CHD7: variants seen among roughly 807,000 people sequenced by gnomAD.
The protein encoded by CHD7 is ATP-dependent chromatin remodeler CHD7.
Under a neutral mutation model 307.3 loss-of-function variants are expected in CHD7, and 24 were observed. That is an observed-to-expected ratio of 0.08 (90% CI 0.06 to 0.11). CHD7 has a LOEUF of 0.11. CHD7 is among the 10% of genes least tolerant of loss of function. The pLI is 1.00. For synonymous variants in CHD7, 1,363 were observed against 1,349.9 expected (o/e 1.01, Z -0.21); for missense variants, 3,106 against 3,727.1 (o/e 0.83, Z 4.34).
intron 1 of CHD7, among the ~76,000 whole-genome samples, chr8:60,696,696 ACT>A (rs990126708): frequency 1.3e-5 from 2 of 151,922 alleles, no homozygotes; most frequent in Non-Finnish European, 2.9e-5. Context: ...AACTCAAGAA[ACT>A]CTCTGATACT....
chr8:60,713,693 T>C (rs1032043009), intron 1 of CHD7, among the ~76,000 whole-genome samples: 4 of 152,100 alleles, frequency 2.6e-5, no homozygotes, highest in Non-Finnish European at 4.4e-5. Flanking sequence ...TGGTGGGCGT[T>C]CACGAGGAGC....
rs773655768 is a variant in CHD7 at position 60,845,332 on chromosome 8, C to A, written c.5133C>A (p.Asp1711Glu). 6.2e-6 allele frequency: 10 copies of A among 1,614,028 alleles called. No homozygotes were observed. Among genetic ancestry groups the A allele is most frequent in the Non-Finnish European group, 8.5e-6 (10 of 1,179,898 alleles). ...QSTQPVVQDA[D>E]WLASCNPDAL... Reference sequence around the variant, plus strand: ...CACAGCCGGTGGTGCAGGATGCCGACTGGCTGGCCAGCTGCAACCCAGATG... The same window carrying A: ...CACAGCCGGTGGTGCAGGATGCCGAATGGCTGGCCAGCTGCAACCCAGATG... Residue 1711 changes from aspartate to glutamate, a missense_variant, in exon 23 of 38, where the codon GAC becomes GAA. This residue lies in a region of CHD7 where 1,030 missense variants were observed against 1,165.4 expected (regional missense o/e 0.88). Coordinates refer to ENST00000423902, the MANE Select transcript of CHD7 (RefSeq NM_017780.4).
chr8:60,774,775 A>G (rs1263605171), intron 2 of CHD7, among the ~76,000 whole-genome samples: 1 of 152,186 alleles, frequency 6.6e-6, no homozygotes, highest in Non-Finnish European at 1.5e-5. Context: ...TTTCTCAGAC[A>G]TTTAGAAAAG....
At chr8:60,829,665 T>G (rs1804413292) in intron 14 of CHD7, among the ~76,000 whole-genome samples, 1 of 152,182 alleles carries the variant, frequency 6.6e-6, no homozygotes, top group East Asian at 1.9e-4. Flanking sequence ...TATGTGGGCA[T>G]TAGTTATAAT....
intron 3 of CHD7, among the ~76,000 whole-genome samples, chr8:60,793,271 T>A (rs1407891282): frequency 6.6e-6 from 1 of 152,114 alleles, no homozygotes; most frequent in Admixed American, 6.5e-5. Context: ...TTTAAAAATA[T>A]TATGCTTTCT....
chr8:60,831,288 G>A (rs1467799100), intron 15 of CHD7, among the ~76,000 whole-genome samples: 10 of 152,150 alleles, frequency 6.6e-5, no homozygotes, highest in Admixed American at 6.5e-4. Flanking sequence ...GATTGGGGGA[G>A]TCTTTAGAAG....
intron 1 of CHD7, among the ~76,000 whole-genome samples, chr8:60,690,648 C>T (rs1040493613): frequency 4.6e-5 from 7 of 152,184 alleles, no homozygotes; most frequent in African/African-American, 7.2e-5. Context: ...GGACACAATT[C>T]AAGGACATAA....
chr8:60,724,665 C>T (rs896139059), intron 1 of CHD7, among the ~76,000 whole-genome samples: 1 of 152,146 alleles, frequency 6.6e-6, no homozygotes, highest in Non-Finnish European at 1.5e-5. Flanking sequence ...TTCTGCATGC[C>T]TTCCCAGCCA....
In CHD7 at chr8:60,856,588, T is replaced by C. The variant is rs375586969; in HGVS notation, c.7308T>C (p.Asn2436=). 7 of 1,613,778 alleles carry C rather than the reference T, an allele frequency of 4.3e-6. No homozygotes were observed. In the African/African-American group the frequency reaches 8.0e-5, roughly 18 times the overall value. ...QLRESQVVSE[N]GQEKVVDLSK... is the part of the protein sequence containing the mutation. ...GAGAGTCTCAGGTGGTCTCAGAAAA[T>C]GGACAAGAAAAAGTTGTAGATTTAT... Residue 2436 remains asparagine (N), a synonymous_variant, in exon 34 of 38, where the codon AAT becomes AAC. Transcript: ENST00000423902.
intron 1 of CHD7, among the ~76,000 whole-genome samples, chr8:60,730,503 T>A (rs1808391000): frequency 6.6e-6 from 1 of 152,180 alleles, no homozygotes; most frequent in African/African-American, 2.4e-5. Context: ...CCAGTCCAAG[T>A]TTTTGCTTTC....
chr8:60,774,550 T>C (rs1378988760), intron 2 of CHD7, among the ~76,000 whole-genome samples: 2 of 152,208 alleles, frequency 1.3e-5, no homozygotes, highest in Non-Finnish European at 2.9e-5. Flanking sequence ...GGCTCTGTGC[T>C]TGCAGAGCTG....
rs547880520 is a variant in CHD7 at position 60,740,403 on chromosome 8, C to T, written c.-174-856C>T. ...TCAACTAGTTTTCTCTGAGTGGTCA[C>T]GTGGGATTCTGGTCCACCAGAGCCC... On this transcript the variant is annotated intron_variant, in intron 1 of 37. Transcript: ENST00000423902. 6.2e-4 allele frequency among the ~76,000 whole-genome samples: 94 copies of T among 152,312 alleles called. 1 individual carries two copies. Among genetic ancestry groups the T allele is most frequent in the South Asian group, 5.0e-3 (24 of 4,820 alleles).
chr8:60,730,015 T>C (rs1176710774), intron 1 of CHD7, among the ~76,000 whole-genome samples: 1 of 152,234 alleles, frequency 6.6e-6, no homozygotes, highest in Non-Finnish European at 1.5e-5. Context: ...AGGGAAAATA[T>C]GTGAGCCAGA....
intron 2 of CHD7, among the ~76,000 whole-genome samples, chr8:60,749,445 T>C (rs1442643177): frequency 6.7e-6 from 1 of 149,064 alleles, no homozygotes; most frequent in African/African-American, 2.5e-5. Context: ...TAAGTAAATT[T>C]ATGGAAAAAG....
At chr8:60,764,035 T>C (rs1447167293) in intron 2 of CHD7, among the ~76,000 whole-genome samples, 2 of 152,180 alleles carry the variant, frequency 1.3e-5, no homozygotes, top group African/African-American at 4.8e-5. Context: ...TCACCCAGGC[T>C]GGAGTGCAGT....
At chr8:60,691,376 G>C (rs1806187863) in intron 1 of CHD7, among the ~76,000 whole-genome samples, 1 of 152,126 alleles carries the variant, frequency 6.6e-6, no homozygotes, top group African/African-American at 2.4e-5. Context: ...CTAGGCGAGA[G>C]GTAAGAAAAA....
In CHD7 at chr8:60,865,903, T is replaced by A. The variant is rs1175995804; in HGVS notation, c.8964T>A (p.Asp2988Glu). ...GEELDSLDGG[D>E]EIENNENDE The stretch of plus-strand genomic sequence containing the variant: ...AGCTAGACTCACTTGATGGGGGGGA[T>A]GAAATAGAAAACAATGAAAATGATG... The change falls in exon 38 of 38, where the codon GAT (aspartate) becomes GAA (glutamate). Residue 2988 changes from aspartate to glutamate, a missense_variant. Physicochemically the swap from Asp to Glu is conservative, Grantham distance 45 (BLOSUM62 2). Coordinates refer to ENST00000423902, the MANE Select transcript of CHD7 (RefSeq NM_017780.4). The surrounding 1 kb of genome is among the most constrained non-coding windows in gnomAD (Gnocchi z 4.3). 17 of 1,607,398 alleles carry A rather than the reference T, an allele frequency of 1.1e-5. No homozygotes were observed. The highest frequency in any genetic ancestry group is 1.4e-5 in the Non-Finnish European group (16 of 1,176,916).
chr8:60,712,234 T>C (rs570219847), intron 1 of CHD7, among the ~76,000 whole-genome samples: 2 of 152,360 alleles, frequency 1.3e-5, no homozygotes, highest in South Asian at 2.1e-4. Flanking sequence ...AGATGCTTCA[T>C]TACATAACTT....
intron 2 of CHD7, among the ~76,000 whole-genome samples, chr8:60,751,121 A>T (rs1809620910): frequency 6.6e-6 from 1 of 152,164 alleles, no homozygotes; most frequent in African/African-American, 2.4e-5. Context: ...TGAAAGGTGG[A>T]TTACAGACAT....
Sources: gnomAD v4.1 joint callset for allele counts (sites outside exome capture counted in the v4.1 genomes callset) on GRCh38, gnomAD v4.1.1 for gene constraint, gnomAD v4.1.1 regional missense constraint, Gnocchi (gnomAD v3.1) non-coding constraint, MANE v1.5 for transcripts, NCBI Gene and HGNC (gene_info 2026-07-23, HGNC 2026-07-21) for gene names.